The following KCNK9 variants were observed in gnomAD, a reference collection of about 807,000 sequenced individuals.
KCNK9 encodes the protein potassium two pore domain channel subfamily K member 9.
In KCNK9, 1 loss-of-function variant was observed where a neutral mutation model predicts 10.8. The ratio of observed to expected loss-of-function variants is 0.09; its 90% CI spans 0.03 to 0.44. The LOEUF (loss-of-function observed/expected upper bound fraction) is 0.44. Among genes scored for constraint, KCNK9 ranks in the 20% least tolerant of loss-of-function variants. The pLI is 0.97. For missense variants in KCNK9, 303 were observed against 515.0 expected (o/e 0.59, Z 3.98); for synonymous variants, 231 against 222.7 (o/e 1.04, Z -0.33).
At chr8:139,653,498 G>C (rs965840675) in intron 1 of KCNK9, among the ~76,000 whole-genome samples, 3 of 151,330 alleles carry the variant, frequency 2.0e-5, no homozygotes, top group Non-Finnish European at 2.9e-5. Flanking sequence ...CCCCAACAGA[G>C]ACCTCCCCCA....
At chr8:139,631,547 G>A (rs1815171461) in intron 1 of KCNK9, among the ~76,000 whole-genome samples, 1 of 152,182 alleles carries the variant, frequency 6.6e-6, no homozygotes, top group Non-Finnish European at 1.5e-5. Flanking sequence ...AGAGAAACCT[G>A]CATTTTCCTG....
At chr8:139,688,914 T>C (rs28483519) in intron 1 of KCNK9, among the ~76,000 whole-genome samples, 76,167 of 151,892 alleles carry the variant, frequency 0.5, 20,195 homozygotes, top group South Asian at 0.59. Flanking sequence ...CTGAATCATG[T>C]CCCCTCACCC....
At chr8:139,682,546 A>G (rs1369852102) in intron 1 of KCNK9, among the ~76,000 whole-genome samples, 1 of 152,202 alleles carries the variant, frequency 6.6e-6, no homozygotes, top group Non-Finnish European at 1.5e-5. Context: ...CCTGGGACTC[A>G]GTCTGCATGG....
At chr8:139,655,673 G>A (rs187988259) in intron 1 of KCNK9, among the ~76,000 whole-genome samples, 88 of 152,304 alleles carry the variant, frequency 5.8e-4, no homozygotes, top group African/African-American at 1.9e-3. Context: ...CCTTAAGGTC[G>A]CACATGTCTG....
At position 139,642,665 on chromosome 8, in the gene KCNK9, T is replaced by C. The variant is rs535988482; in HGVS notation, c.284-23566A>G. Among the ~76,000 whole-genome samples, 5 of 152,354 alleles carry C rather than the reference T, an allele frequency of 3.3e-5. No individual in the cohort carries two copies. The South Asian group carries it at 1.0e-3, about 32-fold the overall frequency. ...TTCAGTGGGGAGCAGCCACTTCCACTGCAGCTTCTCCTGAGACCTGCACCC... is the reference window on the plus strand; with the variant it reads ...TTCAGTGGGGAGCAGCCACTTCCACCGCAGCTTCTCCTGAGACCTGCACCC... On this transcript the variant is annotated intron_variant, in intron 1 of 1. Transcript: ENST00000520439.
chr8:139,644,670 T>C (rs1563732048), intron 1 of KCNK9, among the ~76,000 whole-genome samples: 1 of 151,554 alleles, frequency 6.6e-6, no homozygotes, highest in Non-Finnish European at 1.5e-5. Context: ...CTCAGGAGCA[T>C]GGGACCAGAC....
intron 1 of KCNK9, among the ~76,000 whole-genome samples, chr8:139,665,370 T>C (rs536228041): frequency 1.3e-5 from 2 of 152,288 alleles, no homozygotes; most frequent in Admixed American, 6.5e-5. Flanking sequence ...CTCCTGACTC[T>C]ACCCTCCTGC....
chr8:139,687,537 TAC>T lies in KCNK9; in HGVS notation c.283+15171_283+15172del, dbSNP rs746397242. ...ATACACATATATTCATATATATGTA[TAC>T]ACATATATTCATATATATGTATACA... On this transcript the variant is annotated intron_variant, in intron 1 of 1. Coordinates refer to ENST00000520439, the MANE Select transcript of KCNK9 (RefSeq NM_001282534.2). Among the ~76,000 whole-genome samples the T allele has an allele frequency of 1.4e-3, 70 of 50,854 alleles. 1 individual carries two copies. The highest frequency in any genetic ancestry group is 2.0e-3 in the South Asian group (3 of 1,500). 33.4% of individuals were successfully genotyped at this position (50,854 alleles called of 152,430 possible).
At chr8:139,612,011 G>A (rs41272403), downstream of KCNK9, 12,810 of 152,220 alleles carry the variant, frequency 0.084, 589 homozygotes, top group Non-Finnish European at 0.11. Flanking sequence ...TCCCTGGTGC[G>A]GTCGCTCACA....
intron 1 of KCNK9, among the ~76,000 whole-genome samples, chr8:139,670,144 A>G (rs546529623): frequency 6.6e-6 from 1 of 152,316 alleles, no homozygotes; most frequent in East Asian, 1.9e-4. Flanking sequence ...ATTAGGGGGA[A>G]TGGCTGGTGG....
intron 2 of KCNK9, among the ~76,000 whole-genome samples, chr8:139,606,198 T>C (rs921196248): frequency 6.6e-6 from 1 of 152,176 alleles, no homozygotes; most frequent in Admixed American, 6.5e-5. Context: ...TTCATCCTCC[T>C]AGAATGTGAA....
chr8:139,633,351 G>T (rs1036557667), intron 1 of KCNK9, among the ~76,000 whole-genome samples: 2 of 152,044 alleles, frequency 1.3e-5, no homozygotes, highest in African/African-American at 2.4e-5. Flanking sequence ...CTTGTAAAAG[G>T]CCTAGAATGC....
intron 1 of KCNK9, among the ~76,000 whole-genome samples, chr8:139,660,441 T>TAAA (rs796406573): frequency 1.5e-4 from 20 of 133,004 alleles, no homozygotes; most frequent in African/African-American, 6.2e-4. Context: ...CCGTCTCTGC[T>TAAA]AAAAAAAAAT....
At position 139,677,736 on chromosome 8, in the gene KCNK9, CTACAGCTTCAGAGTAATACCT is replaced by C. The variant is rs1329097877; in HGVS notation, c.283+24953_283+24973del. ...CCTCACATCCCAGCCCAACGGGTCC[CTACAGCTTCAGAGTAATACCT>C]CACATCTGATCCCAATGTGTCCCCA... On this transcript the variant is annotated intron_variant, in intron 1 of 1. Transcript: ENST00000520439. 1.9e-4 allele frequency among the ~76,000 whole-genome samples: 28 copies of C among 146,168 alleles called. 1 individual carries two copies. Among genetic ancestry groups the C allele is most frequent in the African/African-American group, 7.5e-4 (27 of 35,932 alleles).
intron 1 of KCNK9, among the ~76,000 whole-genome samples, chr8:139,620,088 G>A (rs1277372467): frequency 6.6e-6 from 1 of 152,216 alleles, no homozygotes; most frequent in Non-Finnish European, 1.5e-5. Flanking sequence ...GGTGAAGTCA[G>A]CTGCAGGGTC....
Position 139,628,885 on chromosome 8 carries a change from C to T in KCNK9, c.284-9786G>A, listed in dbSNP as rs1238177274. Reference sequence around the variant, plus strand: ...CCCCCTCAGGAGAGCCCTAGGGCCCCTTCCTGAGGAAGGCCAGCCTCAGGG... The same window carrying T: ...CCCCCTCAGGAGAGCCCTAGGGCCCTTTCCTGAGGAAGGCCAGCCTCAGGG... On this transcript the variant is annotated intron_variant, in intron 1 of 1. Coordinates refer to ENST00000520439, the MANE Select transcript of KCNK9 (RefSeq NM_001282534.2). Among the ~76,000 whole-genome samples the T allele has an allele frequency of 6.6e-5, 10 of 152,220 alleles. No individual in the cohort carries two copies. The East Asian group carries it at 1.9e-3, about 29-fold the overall frequency.
chr8:139,668,631 A>G (rs1252494296), intron 1 of KCNK9, among the ~76,000 whole-genome samples: 1 of 152,182 alleles, frequency 6.6e-6, no homozygotes, highest in African/African-American at 2.4e-5. Flanking sequence ...CATGTTGGCC[A>G]GGCTGGTGTC....
intron 1 of KCNK9, among the ~76,000 whole-genome samples, chr8:139,689,973 T>C (rs1816903783): frequency 6.6e-6 from 1 of 152,126 alleles, no homozygotes; most frequent in Admixed American, 6.6e-5. Context: ...AAACATGCAA[T>C]GACTTGAAGC....
chr8:139,700,219 C>T (rs562804975), intron 1 of KCNK9, among the ~76,000 whole-genome samples: 13 of 152,346 alleles, frequency 8.5e-5, no homozygotes, highest in African/African-American at 3.1e-4. Context: ...TCCGTTCCTA[C>T]TAAGTGCCGG....
Sources: allele counts gnomAD v4.1 joint callset (sites outside exome capture counted in the v4.1 genomes callset), GRCh38; gene constraint gnomAD v4.1.1; transcripts MANE v1.5; gene names NCBI Gene and HGNC (gene_info 2026-07-23, HGNC 2026-07-21).